The following TENM3 variants were observed in gnomAD, a reference collection of about 807,000 sequenced individuals.
TENM3 encodes teneurin transmembrane protein 3, also known as teneurin-3.
In TENM3, 63 loss-of-function variants were observed where a neutral mutation model predicts 255.1. The ratio of observed to expected loss-of-function variants is 0.25; its 90% CI spans 0.20 to 0.30. The LOEUF (loss-of-function observed/expected upper bound fraction) is 0.30, where lower values mean the gene tolerates loss of function less well. Among genes scored for constraint, TENM3 ranks in the 10% least tolerant of loss-of-function variants. The probability of loss-of-function intolerance (pLI) is 1.00; values close to 1 mark genes in which losing one functional copy is unlikely to be tolerated. For missense variants in TENM3, 2,929 were observed against 3,461.1 expected, an observed-to-expected ratio of 0.85 and a Z score of 3.86; for synonymous variants, 1,306 against 1,322.3, an observed-to-expected ratio of 0.99 and a Z score of 0.27.
chr4:181,949,958 C>A, the TENM3 span, among the ~76,000 whole-genome samples: 1 of 152,178 alleles, frequency 6.6e-6, no homozygotes, highest in Non-Finnish European at 1.5e-5. Flanking sequence ...ACCATCCTAA[C>A]TGAAATAGCA....
the TENM3 span, among the ~76,000 whole-genome samples, chr4:181,956,164 C>T: frequency 6.6e-6 from 1 of 152,086 alleles, no homozygotes; most frequent in Non-Finnish European, 1.5e-5. Flanking sequence ...GGGTCTCCTT[C>T]CTAAGGGCAC....
chr4:182,004,175 G>A, the TENM3 span, among the ~76,000 whole-genome samples: 1 of 152,070 alleles, frequency 6.6e-6, no homozygotes, highest in Non-Finnish European at 1.5e-5. Context: ...TGCCATGGTG[G>A]TTTGCTGCAC....
At chr4:181,753,388 A>G in the TENM3 span, among the ~76,000 whole-genome samples, 2 of 152,176 alleles carry the variant, frequency 1.3e-5, no homozygotes, top group African/African-American at 2.4e-5. Flanking sequence ...TTTGCTCCCC[A>G]TAACTCAAAA....
chr4:182,463,318 A>G (rs1277909733), intron 3 of TENM3, among the ~76,000 whole-genome samples: 6 of 152,196 alleles, frequency 3.9e-5, no homozygotes, highest in South Asian at 2.1e-4. Context: ...GATACCACGT[A>G]ATGAGAACTA....
rs533792146 is a variant in TENM3, at chr4:182,733,547, C to T, written c.2967+2408C>T. Among the ~76,000 whole-genome samples the T allele has an allele frequency of 9.9e-5, 14 of 140,898 alleles. 1 individual carries two copies. The South Asian group carries it at 2.9e-3, about 29-fold the overall frequency. The allele number at this position is 140,898 out of a possible 152,430, so 92.4% of individuals were successfully genotyped here. On this transcript the variant is annotated intron_variant, in intron 16 of 27. Coordinates refer to ENST00000511685, the MANE Select transcript of TENM3 (RefSeq NM_001080477.4). ...GAAGCAGACATGGAAGAGTGGAGTCCAGGGAAGAGGTTGAAACTAAAGAGG... is the reference window on the plus strand; with the variant it reads ...GAAGCAGACATGGAAGAGTGGAGTCTAGGGAAGAGGTTGAAACTAAAGAGG...
At chr4:182,351,119 T>C (rs1474969728) in intron 3 of TENM3, among the ~76,000 whole-genome samples, 2 of 151,556 alleles carry the variant, frequency 1.3e-5, no homozygotes, top group East Asian at 3.9e-4. Context: ...AAAACATCAG[T>C]CTTTAAGCTT....
At chr4:182,528,080 G>A (rs181807081) in intron 3 of TENM3, among the ~76,000 whole-genome samples, 122 of 152,256 alleles carry the variant, frequency 8.0e-4, no homozygotes, top group African/African-American at 2.8e-3. Flanking sequence ...GTGTTCTTAT[G>A]TTGAAAATGA....
the TENM3 span, among the ~76,000 whole-genome samples, chr4:181,593,228 G>A: frequency 5.7e-3 from 866 of 152,258 alleles, 8 homozygotes; most frequent in African/African-American, 0.019. Flanking sequence ...GCAGAGTTTG[G>A]AGGCATTTCT....
chr4:182,598,197 A>T (rs1747467297), intron 3 of TENM3, among the ~76,000 whole-genome samples: 2 of 152,198 alleles, frequency 1.3e-5, no homozygotes, highest in African/African-American at 4.8e-5. Context: ...CAATTAAAAA[A>T]ATTTTTTTTA....
At chr4:181,655,697 G>A in the TENM3 span, among the ~76,000 whole-genome samples, 4 of 152,080 alleles carry the variant, frequency 2.6e-5, no homozygotes, top group Non-Finnish European at 4.4e-5. Context: ...GACCTGAAGG[G>A]TATAATGGAG....
the TENM3 span, among the ~76,000 whole-genome samples, chr4:181,977,745 A>G: frequency 1.7e-4 from 26 of 152,220 alleles, no homozygotes; most frequent in East Asian, 5.0e-3. Context: ...AAGATAAAGG[A>G]CTTTGCTTCC....
chr4:181,953,895 G>A, the TENM3 span, among the ~76,000 whole-genome samples: 3 of 151,968 alleles, frequency 2.0e-5, no homozygotes, highest in Non-Finnish European at 4.4e-5. Flanking sequence ...AGTATAGTAC[G>A]TTTCCATCAC....
At chr4:182,091,548 AC>A in the TENM3 span, among the ~76,000 whole-genome samples, 1 of 152,148 alleles carries the variant, frequency 6.6e-6, no homozygotes, top group Middle Eastern at 3.2e-3. Flanking sequence ...TGGTGCTCAA[AC>A]CTTTGAGATA....
chr4:181,546,531 C>T, the TENM3 span, among the ~76,000 whole-genome samples: 6,473 of 148,858 alleles, frequency 0.043, 218 homozygotes, highest in South Asian at 0.14. Flanking sequence ...CTGGCTAACA[C>T]GGTGAAACCC....
rs537156047 is a variant in TENM3, at chr4:182,645,526, T to G, written c.989-8245T>G. On this transcript the variant is annotated intron_variant, in intron 5 of 27. Coordinates refer to ENST00000511685, the MANE Select transcript of TENM3 (RefSeq NM_001080477.4). ...AAAAACCTAAATGGCTGTATCAGTTTGTAATTGCAACTGGGCCCAACTTAG... is the reference window on the plus strand; with the variant it reads ...AAAAACCTAAATGGCTGTATCAGTTGGTAATTGCAACTGGGCCCAACTTAG... 3.3e-5 allele frequency among the ~76,000 whole-genome samples: 5 copies of G among 152,274 alleles called. No homozygotes were observed. In the South Asian group the frequency reaches 1.0e-3, roughly 32 times the overall value.
At chr4:182,247,621 G>A (rs1000829136) in intron 1 of TENM3, among the ~76,000 whole-genome samples, 1 of 152,190 alleles carries the variant, frequency 6.6e-6, no homozygotes, top group African/African-American at 2.4e-5. Context: ...TTCTGTCCAT[G>A]TTATATCTCT....
At chr4:182,456,920 T>C (rs918177502) in intron 3 of TENM3, among the ~76,000 whole-genome samples, 2 of 152,118 alleles carry the variant, frequency 1.3e-5, no homozygotes, top group Non-Finnish European at 2.9e-5. Context: ...TGGTGGCTCA[T>C]GCCTGTAATC....
At chr4:182,653,964 T>A in intron 6 of TENM3, 71 bp downstream of exon 6, 1 of 1,448,126 alleles carries the variant, frequency 6.9e-7, no homozygotes, top group South Asian at 1.5e-5. Context: ...TTTTTACCCA[T>A]GCTTACATCT....
intron 16 of TENM3, among the ~76,000 whole-genome samples, chr4:182,732,686 G>C (rs1579279980): frequency 6.6e-6 from 1 of 152,196 alleles, no homozygotes; most frequent in South Asian, 2.1e-4. Flanking sequence ...AATTAGCCAG[G>C]CGTGGTGGCA....
Sources: allele counts gnomAD v4.1 joint callset (sites outside exome capture counted in the v4.1 genomes callset), GRCh38; gene constraint gnomAD v4.1.1; transcripts MANE v1.5; gene names NCBI Gene and HGNC (gene_info 2026-07-23, HGNC 2026-07-21).